The following ANK3 variants were observed in gnomAD, a reference collection of about 807,000 sequenced individuals.
ANK3 encodes the protein ankyrin-3.
Under a neutral mutation model 370.9 loss-of-function variants are expected in ANK3, and 57 were observed. That is an observed-to-expected ratio of 0.15 (90% confidence interval 0.12 to 0.19). The LOEUF is 0.19. ANK3 is among the 10% of genes least tolerant of loss of function. The pLI is 1.00. For synonymous variants in ANK3, 1,929 were observed against 1,946.3 expected, an observed-to-expected ratio of 0.99 and a Z score of 0.23; for missense variants, 4,439 against 5,302.1, an observed-to-expected ratio of 0.84 and a Z score of 5.06.
At chr10:60,176,396 A>C (rs2095955911) in intron 18 of ANK3, among the ~76,000 whole-genome samples, 1 of 151,694 alleles carries the variant, frequency 6.6e-6, no homozygotes, top group Admixed American at 6.6e-5. Context: ...AAAGAAAAAA[A>C]AACCAGAAAG....
chr10:60,226,524 TATA>T (rs2097156113), intron 8 of ANK3, among the ~76,000 whole-genome samples: 1 of 56,996 alleles, frequency 1.8e-5, no homozygotes, highest in Non-Finnish European at 2.8e-5. Flanking sequence ...GTATATATAC[TATA>T]GTATATATAC....
chr10:60,198,341 T>C lies in ANK3; in HGVS notation c.1688A>G (p.Lys563Arg). 6.2e-7 allele frequency: 1 copy of C among 1,614,164 alleles called. No individual in the cohort carries two copies. Among genetic ancestry groups the C allele is most frequent in the East Asian group, 2.2e-5 (1 of 44,868 alleles). ...GGATTCTGAGATTTGCTTTCATACC[T>C]TTGTTGTTATAGATAAAGACGCTCC... ...DHGASLSITT[K>R]KGFTPLHVAA... The change falls in exon 14 of 44, where the codon AAG becomes AGG. Residue 563 changes from lysine (K) to arginine (R), a missense_variant and splice_region_variant. Physicochemically the swap from Lys to Arg is conservative, Grantham distance 26. This residue lies in a region of ANK3 where 192 missense variants were observed against 192.1 expected (regional missense o/e 1.00). Coordinates refer to ENST00000280772, the MANE Select transcript of ANK3 (RefSeq NM_020987.5).
At chr10:60,105,700 T>C (rs1590067353) in intron 28 of ANK3, among the ~76,000 whole-genome samples, 4 of 152,234 alleles carry the variant, frequency 2.6e-5, no homozygotes, top group Admixed American at 2.6e-4. Flanking sequence ...AAAATACTTA[T>C]ACTTCTATAT....
intron 25 of ANK3, among the ~76,000 whole-genome samples, chr10:60,119,732 G>A (rs756395742): frequency 7.9e-5 from 12 of 152,176 alleles, no homozygotes; most frequent in Middle Eastern, 3.4e-3. Context: ...AGATCGTGCC[G>A]TTGCACTCTA....
At chr10:60,257,077 C>T (rs1211430065) in intron 7 of ANK3, among the ~76,000 whole-genome samples, 1 of 152,176 alleles carries the variant, frequency 6.6e-6, no homozygotes, top group Non-Finnish European at 1.5e-5. Context: ...ATTTACGTTC[C>T]TACCAACAGT....
intron 2 of ANK3, among the ~76,000 whole-genome samples, chr10:60,516,746 C>T (rs1283173757): frequency 6.6e-6 from 1 of 152,044 alleles, no homozygotes; most frequent in Non-Finnish European, 1.5e-5. Flanking sequence ...CCACTGCACG[C>T]TAGTCTGGGC....
intron 38 of ANK3, among the ~76,000 whole-genome samples, chr10:60,065,021 T>G (rs1235265502): frequency 1.3e-5 from 2 of 152,144 alleles, no homozygotes; most frequent in East Asian, 1.9e-4. Flanking sequence ...TGCTAAGCAA[T>G]CTTCATGAAG....
intron 23 of ANK3, among the ~76,000 whole-genome samples, chr10:60,162,488 G>A (rs1355637845): frequency 6.6e-6 from 1 of 152,106 alleles, no homozygotes; most frequent in Non-Finnish European, 1.5e-5. Flanking sequence ...TGAAATCGGT[G>A]GATTTTAATT....
At chr10:60,316,694 G>C (rs2047493487) in intron 1 of ANK3, among the ~76,000 whole-genome samples, 2 of 152,090 alleles carry the variant, frequency 1.3e-5, no homozygotes, top group African/African-American at 4.8e-5. Flanking sequence ...TCTCGCATAT[G>C]CCTATATCGT....
intron 18 of ANK3, 146 bp from the exon 19 acceptor site, chr10:60,173,332 C>A (rs879809923): frequency 6.5e-6 from 4 of 611,390 alleles, no homozygotes; most frequent in Non-Finnish European, 8.3e-6. Flanking sequence ...AAAAAATTGC[C>A]CTTGATAATT....
chr10:60,269,924 A>G (rs1405031861), intron 5 of ANK3, among the ~76,000 whole-genome samples: 1 of 152,200 alleles, frequency 6.6e-6, no homozygotes, highest in Admixed American at 6.5e-5. Context: ...AGAATCGGGC[A>G]TTTAAGAGTA....
chr10:60,709,283 ATAT>A (rs1357525655), intron 1 of ANK3, among the ~76,000 whole-genome samples: 36 of 40,672 alleles, frequency 8.9e-4, no homozygotes, highest in African/African-American at 3.1e-3. Flanking sequence ...GGATATATCT[ATAT>A]CTATATCTAT....
chr10:60,519,916 G>C (rs529368601), intron 2 of ANK3, among the ~76,000 whole-genome samples: 1 of 152,064 alleles, frequency 6.6e-6, no homozygotes, highest in African/African-American at 2.4e-5. Flanking sequence ...TCAGTTATTA[G>C]ATTATTGAAA....
intron 25 of ANK3, among the ~76,000 whole-genome samples, chr10:60,118,898 A>G (rs2093292716): frequency 6.6e-6 from 1 of 152,202 alleles, no homozygotes; most frequent in South Asian, 2.1e-4. Context: ...ATCATGTAAT[A>G]TTTATCAAAG....
rs1392651320 is a variant in ANK3, at chr10:60,514,208, TTAG to T, written c.96+100975_96+100977del. Among the ~76,000 whole-genome samples, 3 of 152,248 alleles carry T rather than the reference TTAG, an allele frequency of 2.0e-5. No homozygotes were observed. The East Asian group carries it at 5.8e-4, about 29-fold the overall frequency. On this transcript the variant is annotated intron_variant, in intron 2 of 43. Transcript: ENST00000373827. ...AAGGCTGCCCGTCAACAGTAGGCTA[TTAG>T]TAGTTAAGTTTTGGGGAAGTCAAAT...
intron 1 of ANK3, among the ~76,000 whole-genome samples, chr10:60,333,532 G>C (rs890702106): frequency 5.3e-5 from 8 of 152,174 alleles, no homozygotes; most frequent in African/African-American, 1.9e-4. Context: ...GGCATATTTT[G>C]TTTAACCAGT....
At chr10:60,317,891 A>T (rs1398422220) in intron 1 of ANK3, among the ~76,000 whole-genome samples, 1 of 151,044 alleles carries the variant, frequency 6.6e-6, no homozygotes, top group Non-Finnish European at 1.5e-5. Flanking sequence ...TTTTTTTTGT[A>T]TTTTTTAGTA....
chr10:60,096,420 A>G (rs1395483974), intron 28 of ANK3, among the ~76,000 whole-genome samples: 1 of 152,178 alleles, frequency 6.6e-6, no homozygotes, highest in East Asian at 1.9e-4. Flanking sequence ...GCTCGACAAA[A>G]TAATCTGCGG....
intron 28 of ANK3, among the ~76,000 whole-genome samples, chr10:60,105,207 A>ATT (rs35078297): frequency 8.9e-4 from 132 of 148,552 alleles, no homozygotes; most frequent in African/African-American, 2.9e-3. Context: ...CTGTTCTCTA[A>ATT]TTTTTTTTTT....
Sources: gnomAD v4.1 joint callset for allele counts (sites outside exome capture counted in the v4.1 genomes callset) on GRCh38, gnomAD v4.1.1 for gene constraint, gnomAD v4.1.1 regional missense constraint, MANE v1.5 for transcripts, NCBI Gene and HGNC (gene_info 2026-07-23, HGNC 2026-07-21) for gene names.